The following DIAPH3 variants were observed in gnomAD, a reference collection of about 807,000 sequenced individuals.
DIAPH3 encodes the protein protein diaphanous homolog 3.
In DIAPH3, 117 loss-of-function variants were observed where a neutral mutation model predicts 144.3. The observed-to-expected ratio is 0.81, with a 90% CI of 0.70 to 0.95. The LOEUF (loss-of-function observed/expected upper bound fraction) is 0.95. DIAPH3 is among the 40% of genes least tolerant of loss of function. The pLI is 0.00. For missense variants in DIAPH3, 1,421 were observed against 1,412.7 expected (o/e 1.01, Z -0.09); for synonymous variants, 519 against 488.9 (o/e 1.06, Z -0.81).
intron 1 of DIAPH3, among the ~76,000 whole-genome samples, chr13:60,155,298 A>T (rs1951971493): frequency 6.6e-6 from 1 of 152,174 alleles, no homozygotes; most frequent in Admixed American, 6.5e-5. Flanking sequence ...AATCTGAGAC[A>T]ATCATCCCTA....
chr13:59,878,432 AC>A (rs1471367832), intron 21 of DIAPH3, among the ~76,000 whole-genome samples: 1 of 152,142 alleles, frequency 6.6e-6, no homozygotes, highest in Admixed American at 6.6e-5. Context: ...ACCTTCCCTA[AC>A]TAGCTGGCAA....
At chr13:59,993,709 A>AAAAAAAAAAAAAAC (rs2051993274) in intron 9 of DIAPH3, among the ~76,000 whole-genome samples, 1 of 149,584 alleles carries the variant, frequency 6.7e-6, no homozygotes, top group African/African-American at 2.5e-5. Flanking sequence ...ACTTAAAAAA[A>AAAAAAAAAAAAAAC]AAAAAAAAAA....
intron 22 of DIAPH3, among the ~76,000 whole-genome samples, chr13:59,845,038 T>C (rs2042556427): frequency 1.5e-5 from 1 of 66,956 alleles, no homozygotes; most frequent in Non-Finnish European, 3.0e-5. Context: ...ACACCATTTT[T>C]TTCCTTTTTC....
At chr13:59,704,524 A>G (rs1319551626) in intron 27 of DIAPH3, among the ~76,000 whole-genome samples, 1 of 152,194 alleles carries the variant, frequency 6.6e-6, no homozygotes, top group Non-Finnish European at 1.5e-5. Flanking sequence ...CTAACATGCT[A>G]TGTACAGTCA....
rs746476009 is a variant in DIAPH3, at chr13:59,991,285, T to TC, written c.1245-12_1245-11insG. ...ACATCATATGCTTCAGTGAGTTGATTAAGGAATATATGGATTTATTTATAC... is the reference window on the plus strand; with the variant it reads ...ACATCATATGCTTCAGTGAGTTGATTCAAGGAATATATGGATTTATTTATAC... On this transcript the variant is annotated splice_polypyrimidine_tract_variant and intron_variant, in intron 11 of 27. Transcript: ENST00000400324. The TC allele has an allele frequency of 6.6e-7, 1 of 1,511,384 alleles. No individual in the cohort carries two copies. Among genetic ancestry groups the TC allele is most frequent in the Non-Finnish European group, 9.2e-7 (1 of 1,087,970 alleles). The allele number at this position is 1,511,384 out of a possible 1,614,324, so 93.6% of individuals were successfully genotyped here. A position where few individuals can be genotyped will look rare whatever the true frequency, so the allele number is the denominator to read the frequency against.
At chr13:60,126,881 G>A (rs566666376) in intron 2 of DIAPH3, among the ~76,000 whole-genome samples, 2 of 151,852 alleles carry the variant, frequency 1.3e-5, no homozygotes, top group Admixed American at 6.6e-5. Context: ...AGATGTCAGA[G>A]GAAAATTTAT....
chr13:59,963,518 C>T (rs890895091), intron 17 of DIAPH3, among the ~76,000 whole-genome samples: 1 of 152,012 alleles, frequency 6.6e-6, no homozygotes, highest in African/African-American at 2.4e-5. Flanking sequence ...TCTGTATCTA[C>T]TTCTGACTCT....
intron 27 of DIAPH3, among the ~76,000 whole-genome samples, chr13:59,756,710 G>A (rs1305775824): frequency 1.3e-5 from 2 of 152,200 alleles, no homozygotes; most frequent in African/African-American, 4.8e-5. Flanking sequence ...CTTGGGGAAG[G>A]AGGTGTGAAC....
intron 18 of DIAPH3, among the ~76,000 whole-genome samples, chr13:59,916,553 A>C (rs1405528484): frequency 6.6e-6 from 1 of 152,172 alleles, no homozygotes; most frequent in Non-Finnish European, 1.5e-5. Context: ...GTGATAACAA[A>C]AAATGAAATA....
Position 60,117,442 on chromosome 13 carries a change from T to C in DIAPH3, c.214-5256A>G, listed in dbSNP as rs142256840. 8.1e-3 allele frequency among the ~76,000 whole-genome samples: 1,228 copies of C among 151,778 alleles called. 13 individuals carry two copies. The highest frequency in any genetic ancestry group is 0.028 in the African/African-American group (1,163 of 41,440). Reference sequence around the variant, plus strand: ...TAAGGAAAGAACCATAAAAGAAAAATAAGCACAATCCTTCCTCCTATACTG... The same window carrying C: ...TAAGGAAAGAACCATAAAAGAAAAACAAGCACAATCCTTCCTCCTATACTG... On this transcript the variant is annotated intron_variant, in intron 2 of 27. Transcript: ENST00000400324.
At chr13:60,132,738 C>G (rs909286808) in intron 2 of DIAPH3, among the ~76,000 whole-genome samples, 6 of 151,978 alleles carry the variant, frequency 3.9e-5, no homozygotes, top group Admixed American at 3.9e-4. Context: ...TGTAATTAAA[C>G]AAATTTTTTT....
intron 17 of DIAPH3, among the ~76,000 whole-genome samples, chr13:59,946,331 G>T (rs1566555539): frequency 6.6e-6 from 1 of 152,012 alleles, no homozygotes; most frequent in Non-Finnish European, 1.5e-5. Flanking sequence ...ACAAAGCACA[G>T]AATCCAGTTT....
At chr13:60,148,297 G>T (rs1436086110) in intron 1 of DIAPH3, among the ~76,000 whole-genome samples, 1 of 152,228 alleles carries the variant, frequency 6.6e-6, no homozygotes, top group Admixed American at 6.5e-5. Context: ...GGAGTTTTAA[G>T]AAGTCATCAG....
At chr13:59,666,983 A>G (rs2032056611) in intron 27 of DIAPH3, 137 bp from the exon 28 acceptor site, 1 of 1,024,490 alleles carries the variant, frequency 9.8e-7, no homozygotes, top group African/African-American at 1.6e-5. Flanking sequence ...GAAACAGTCA[A>G]CAGAGTAAGA....
intron 19 of DIAPH3, among the ~76,000 whole-genome samples, chr13:59,913,876 T>C (rs1233467421): frequency 1.3e-5 from 2 of 151,908 alleles, no homozygotes; most frequent in Non-Finnish European, 2.9e-5. Context: ...AAGAATAGCT[T>C]GAACCCAGGA....
chr13:59,729,400 A>G (rs987215815), intron 27 of DIAPH3, among the ~76,000 whole-genome samples: 5 of 152,146 alleles, frequency 3.3e-5, no homozygotes, highest in African/African-American at 1.2e-4. Flanking sequence ...AGCAAACAGT[A>G]ATTAAATAGA....
At chr13:60,091,521 C>T (rs2057932087) in intron 4 of DIAPH3, among the ~76,000 whole-genome samples, 1 of 152,092 alleles carries the variant, frequency 6.6e-6, no homozygotes, top group African/African-American at 2.4e-5. Flanking sequence ...TGGTCTCGAA[C>T]TCCTGGGCTC....
At chr13:59,925,347 A>G (rs948040688) in intron 17 of DIAPH3, among the ~76,000 whole-genome samples, 2 of 152,170 alleles carry the variant, frequency 1.3e-5, no homozygotes, top group African/African-American at 4.8e-5. Flanking sequence ...AAAAATTAAC[A>G]GAATAAATTT....
chr13:59,833,105 A>G lies in DIAPH3; in HGVS notation c.3027+2T>C, dbSNP rs1157273125. ...TTTTAAAAAACAATTTTTTTACCAT[A>G]CCATGAATGTGGTTCTGAAGTTATT... is the stretch of plus-strand genomic sequence containing the variant. On this transcript the variant is annotated splice_donor_variant, in intron 24 of 27. Transcript: ENST00000400324. LOFTEE classifies it high-confidence loss of function. The G allele has an allele frequency of 6.2e-7, 1 of 1,606,876 alleles. No homozygotes were observed. The highest frequency in any genetic ancestry group is 8.5e-7 in the Non-Finnish European group (1 of 1,176,450).
Sources: gnomAD v4.1 joint callset for allele counts (sites outside exome capture counted in the v4.1 genomes callset) on GRCh38, gnomAD v4.1.1 for gene constraint, MANE v1.5 for transcripts, NCBI Gene and HGNC (gene_info 2026-07-23, HGNC 2026-07-21) for gene names.